Variants in GPC5 observed in about 807,000 individuals in gnomAD.
GPC5 encodes the protein glypican 5.
GPC5 carries 47 observed loss-of-function variants against 53.9 expected under a neutral mutation model. That is an observed-to-expected ratio of 0.87 (90% confidence interval 0.69 to 1.11). The LOEUF (loss-of-function observed/expected upper bound fraction) is 1.11, where lower values mean the gene tolerates loss of function less well. Ranked by LOEUF, GPC5 falls within the 50% of genes most tolerant of loss-of-function variation. GPC5 has a pLI of 0.00. For missense variants in GPC5, 748 were observed against 713.1 expected (o/e 1.05, Z -0.56); for synonymous variants, 286 against 263.3 (o/e 1.09, Z -0.84).
chr13:91,413,867 T>A (rs1296162863), intron 1 of GPC5, among the ~76,000 whole-genome samples: 1 of 152,146 alleles, frequency 6.6e-6, no homozygotes, highest in Non-Finnish European at 1.5e-5. Flanking sequence ...TCAAAAATCA[T>A]CCCTGGAAAC....
intron 6 of GPC5, among the ~76,000 whole-genome samples, chr13:92,036,935 T>G (rs1445767833): frequency 1.3e-5 from 2 of 152,204 alleles, no homozygotes; most frequent in Non-Finnish European, 2.9e-5. Flanking sequence ...TAAAATACTA[T>G]AGTAGTCTCT....
chr13:91,959,240 G>A (rs756258837), intron 6 of GPC5, among the ~76,000 whole-genome samples: 5 of 151,792 alleles, frequency 3.3e-5, no homozygotes, highest in Non-Finnish European at 7.4e-5. Flanking sequence ...TGATACCACA[G>A]AAATACAAAG....
At chr13:91,613,720 C>T (rs1216019637) in intron 2 of GPC5, among the ~76,000 whole-genome samples, 1 of 152,088 alleles carries the variant, frequency 6.6e-6, no homozygotes, top group Non-Finnish European at 1.5e-5. Context: ...ACCTTTAAAT[C>T]ATGACATTGA....
At chr13:92,861,090 TTAAG>T (rs1879165031) in intron 7 of GPC5, among the ~76,000 whole-genome samples, 1 of 152,096 alleles carries the variant, frequency 6.6e-6, no homozygotes, top group East Asian at 1.9e-4. Flanking sequence ...TTTATATACA[TTAAG>T]TGCTATCAAA....
At chr13:91,774,467 C>T (rs2138703873) in intron 5 of GPC5, among the ~76,000 whole-genome samples, 1 of 152,234 alleles carries the variant, frequency 6.6e-6, no homozygotes, top group South Asian at 2.1e-4. Context: ...GAGATTATAG[C>T]ACCTGTGATA....
intron 5 of GPC5, among the ~76,000 whole-genome samples, chr13:91,813,554 A>G (rs1357150664): frequency 3.9e-5 from 6 of 152,210 alleles, no homozygotes; most frequent in Non-Finnish European, 1.5e-5. Context: ...GGTCTTTGAC[A>G]GAGCAGAAAC....
intron 6 of GPC5, among the ~76,000 whole-genome samples, chr13:91,958,286 A>AG (rs1273102673): frequency 2.0e-5 from 3 of 151,888 alleles, no homozygotes; most frequent in Admixed American, 6.6e-5. Context: ...AAAGAAAAAA[A>AG]AAAAGGTCAT....
chr13:91,729,224 G>C (rs1207738952), intron 4 of GPC5, among the ~76,000 whole-genome samples: 2 of 152,106 alleles, frequency 1.3e-5, no homozygotes, highest in African/African-American at 4.8e-5. Context: ...ACATCCCATA[G>C]GGCTCGCTAA....
chr13:91,782,036 A>T (rs2037806289), intron 5 of GPC5, among the ~76,000 whole-genome samples: 1 of 152,206 alleles, frequency 6.6e-6, no homozygotes, highest in South Asian at 2.1e-4. Context: ...TAGTTAAACA[A>T]TTGCCCCTTA....
At chr13:92,481,599 A>G (rs917417478) in intron 7 of GPC5, among the ~76,000 whole-genome samples, 1 of 152,216 alleles carries the variant, frequency 6.6e-6, no homozygotes, top group African/African-American at 2.4e-5. Flanking sequence ...ATTAGGCTGC[A>G]TGACCACTGT....
intron 7 of GPC5, among the ~76,000 whole-genome samples, chr13:92,420,478 C>A (rs1042503846): frequency 2.6e-5 from 4 of 152,044 alleles, no homozygotes; most frequent in Admixed American, 6.6e-5. Flanking sequence ...TATCCATCCC[C>A]TCAAGCATTT....
At position 92,602,107 on chromosome 13, in the gene GPC5, T is replaced by A. The variant is rs138427898; in HGVS notation, c.1562-264175T>A. Among the ~76,000 whole-genome samples, 887 of 147,622 alleles carry A rather than the reference T, an allele frequency of 6.0e-3. 19 individuals carry two copies. Among genetic ancestry groups the A allele is most frequent in the East Asian group, 0.038 (193 of 5,084 alleles). ...TATTACAATTACTTAAATTATTAAT[T>A]AATGAAAGTATTATATACATATAAT... On this transcript the variant is annotated intron_variant, in intron 7 of 7. Transcript: ENST00000377067.
chr13:92,490,037 T>C (rs1269218021), intron 7 of GPC5: 1 of 153,026 alleles, frequency 6.5e-6, no homozygotes, highest in Admixed American at 6.5e-5. Flanking sequence ...AATGTCTGTT[T>C]ACATACTCTT....
intron 3 of GPC5, among the ~76,000 whole-genome samples, chr13:91,704,044 T>C (rs1715441457): frequency 6.6e-6 from 1 of 152,140 alleles, no homozygotes; most frequent in African/African-American, 2.4e-5. Context: ...CCTTATTGAT[T>C]TTCTTTCTGG....
At chr13:92,519,306 C>G (rs564666173) in intron 7 of GPC5, among the ~76,000 whole-genome samples, 3 of 152,282 alleles carry the variant, frequency 2.0e-5, no homozygotes, top group South Asian at 4.1e-4. Flanking sequence ...ACTCTCCACC[C>G]CAAATCAACA....
chr13:92,638,606 GA>G (rs1885489574), intron 7 of GPC5, among the ~76,000 whole-genome samples: 1 of 152,140 alleles, frequency 6.6e-6, no homozygotes, highest in Non-Finnish European at 1.5e-5. Flanking sequence ...AAGCTCTACA[GA>G]AGTGTCTTCT....
chr13:92,441,542 C>A (rs1877564530), intron 7 of GPC5, among the ~76,000 whole-genome samples: 1 of 152,118 alleles, frequency 6.6e-6, no homozygotes, highest in South Asian at 2.1e-4. Flanking sequence ...ACACTAATAA[C>A]ATTGAACCTG....
At chr13:92,444,486 C>A (rs1439904287) in intron 7 of GPC5, among the ~76,000 whole-genome samples, 4 of 152,000 alleles carry the variant, frequency 2.6e-5, no homozygotes, top group African/African-American at 9.7e-5. Flanking sequence ...GCCTTGAAAT[C>A]ACTGTGGTTG....
At chr13:91,835,250 G>A (rs1014421536) in intron 5 of GPC5, among the ~76,000 whole-genome samples, 14 of 152,202 alleles carry the variant, frequency 9.2e-5, no homozygotes, top group Non-Finnish European at 1.6e-4. Flanking sequence ...ATGCTGGAAA[G>A]CATGTGGAGA....
Sources: allele counts gnomAD v4.1 joint callset (sites outside exome capture counted in the v4.1 genomes callset), GRCh38; gene constraint gnomAD v4.1.1; transcripts MANE v1.5; gene names NCBI Gene and HGNC (gene_info 2026-07-23, HGNC 2026-07-21).